The following MYOM2 variants were observed in gnomAD, a reference collection of about 807,000 sequenced individuals.
MYOM2 encodes myomesin-2.
In MYOM2, 254 loss-of-function variants were observed where a neutral mutation model predicts 187.6. The ratio of observed to expected loss-of-function variants is 1.35; its 90% CI spans 1.22 to 1.50. The LOEUF is 1.50. Ranked by LOEUF, MYOM2 falls within the 40% of genes most tolerant of loss-of-function variation. The probability of loss-of-function intolerance (pLI) is 0.00; values close to 1 mark genes in which losing one functional copy is unlikely to be tolerated. For missense variants in MYOM2, 2,796 were observed against 1,924.0 expected, an observed-to-expected ratio of 1.45 and a Z score of -8.48; for synonymous variants, 981 against 753.8, an observed-to-expected ratio of 1.30 and a Z score of -4.94.
At chr8:2,078,973 GC>G (rs774157508) in intron 12 of MYOM2, 40 bp downstream of exon 12, 1 of 1,592,876 alleles carries the variant, frequency 6.3e-7, no homozygotes, top group South Asian at 1.1e-5. Flanking sequence ...TGCCCAGGAA[GC>G]TTTGGCTGTT....
intron 13 of MYOM2, chr8:2,085,011 A>G (rs1054493086): frequency 2.2e-6 from 1 of 454,820 alleles, no homozygotes; most frequent in African/African-American, 2.0e-5. Flanking sequence ...GAATCTCTGG[A>G]AGACTTTCGG....
At chr8:2,087,102 G>A (rs1426613099) in intron 14 of MYOM2, among the ~76,000 whole-genome samples, 1 of 152,186 alleles carries the variant, frequency 6.6e-6, no homozygotes, top group Non-Finnish European at 1.5e-5. Context: ...CACAGGTTGT[G>A]ACCCACTAAT....
chr8:2,079,639 T>G, intron 13 of MYOM2, 26 bp downstream of exon 13: 3 of 1,608,666 alleles, frequency 1.9e-6, no homozygotes, highest in Non-Finnish European at 2.6e-6. Context: ...TCACCCCAGC[T>G]GCTCAGCCCC....
intron 18 of MYOM2, among the ~76,000 whole-genome samples, 191 bp downstream of exon 18, chr8:2,096,625 A>C (rs1181905640): frequency 7.9e-5 from 12 of 152,202 alleles, no homozygotes; most frequent in Non-Finnish European, 1.6e-4. Flanking sequence ...CTTTCTGAGA[A>C]GCAGTGAAGA....
chr8:2,109,191 A>C, intron 24 of MYOM2: 1 of 571,994 alleles, frequency 1.7e-6, no homozygotes, highest in South Asian at 2.8e-5. Context: ...GCTAACTGAG[A>C]ACTCATGTGG....
At chr8:2,062,000 G>A (rs1437363790) in intron 6 of MYOM2, among the ~76,000 whole-genome samples, 1 of 152,196 alleles carries the variant, frequency 6.6e-6, no homozygotes, top group African/African-American at 2.4e-5. Flanking sequence ...GTGGCCCGTT[G>A]TGGTGTGAAA....
chr8:2,054,589 T>A (rs1023180674), intron 3 of MYOM2, among the ~76,000 whole-genome samples: 5 of 152,210 alleles, frequency 3.3e-5, no homozygotes, highest in African/African-American at 1.2e-4. Context: ...CAATTAGTTA[T>A]TCTGAATCAT....
At chr8:2,128,108 A>G (rs958370570) in intron 31 of MYOM2, among the ~76,000 whole-genome samples, 1 of 152,182 alleles carries the variant, frequency 6.6e-6, no homozygotes, top group African/African-American at 2.4e-5. Context: ...TCATGGAACC[A>G]CATATCATGG....
chr8:2,143,450 A>AG lies in MYOM2; in HGVS notation c.4077dup (p.Lys1360GlufsTer14). On this transcript the variant is annotated frameshift_variant, in exon 36 of 37. Transcript: ENST00000262113. LOFTEE classifies it low-confidence loss of function (END_TRUNC). The stretch of plus-strand genomic sequence containing the variant: ...TGCCTGACGTGGTGACCATCATGGA[A>AG]GGGAAGGTGAGGATTCTAAACTCGG... 2 of 1,614,028 alleles carry AG rather than the reference A, an allele frequency of 1.2e-6. No homozygotes were observed. The highest frequency in any genetic ancestry group is 2.2e-5 in the South Asian group (2 of 91,078).
intron 32 of MYOM2, among the ~76,000 whole-genome samples, chr8:2,139,298 C>T (rs1410036840): frequency 6.6e-6 from 1 of 152,120 alleles, no homozygotes; most frequent in African/African-American, 2.4e-5. Context: ...CTTGCCACCA[C>T]ACCCGGCTAA....
chr8:2,076,468 G>A (rs1819426361), intron 11 of MYOM2, 186 bp downstream of exon 11: 1 of 753,004 alleles, frequency 1.3e-6, no homozygotes, highest in African/African-American at 1.8e-5. Flanking sequence ...AGTAGGCTGA[G>A]CCCAGCATAA....
intron 32 of MYOM2, among the ~76,000 whole-genome samples, chr8:2,138,925 C>T (rs1053006558): frequency 2.6e-5 from 4 of 152,056 alleles, no homozygotes; most frequent in African/African-American, 9.7e-5. Flanking sequence ...ACAGAACTCC[C>T]ACTTTCTATC....
intron 3 of MYOM2, among the ~76,000 whole-genome samples, chr8:2,053,352 G>C (rs556847683): frequency 6.6e-6 from 1 of 152,308 alleles, no homozygotes; most frequent in Admixed American, 6.5e-5. Flanking sequence ...GAATCTCTTT[G>C]AAATGTAGAT....
intron 35 of MYOM2, 108 bp downstream of exon 35, chr8:2,142,505 C>T (rs1432464317): frequency 1.8e-6 from 2 of 1,122,248 alleles, no homozygotes; most frequent in East Asian, 2.3e-5. Flanking sequence ...ACCAGCAATC[C>T]CCCACCCTGA....
chr8:2,088,786 G>A (rs746380109), intron 14 of MYOM2, among the ~76,000 whole-genome samples: 1 of 152,194 alleles, frequency 6.6e-6, no homozygotes, highest in Non-Finnish European at 1.5e-5. Flanking sequence ...CCCAGTAATG[G>A]GATTGCTGGA....
intron 6 of MYOM2, among the ~76,000 whole-genome samples, chr8:2,064,286 A>T (rs958556276): frequency 1.3e-5 from 2 of 152,158 alleles, no homozygotes; most frequent in African/African-American, 4.8e-5. Flanking sequence ...CTACACAGGG[A>T]CCTGTGTTCC....
At chr8:2,094,788 C>T (rs891419719) in intron 17 of MYOM2, among the ~76,000 whole-genome samples, 2 of 152,164 alleles carry the variant, frequency 1.3e-5, no homozygotes, top group African/African-American at 2.4e-5. Context: ...ATTTATGTAA[C>T]TTTGAGACTT....
Position 2,086,029 on chromosome 8 carries a change from G to A in MYOM2, c.1644+639G>A, listed in dbSNP as rs112665743. On this transcript the variant is annotated intron_variant, in intron 14 of 36. Transcript: ENST00000262113. The stretch of plus-strand genomic sequence containing the variant: ...GATCTCTTTGTGGCCCCCCACTGTC[G>A]TGATCTCTGCGTGGCCCCCCACAGT... Among the ~76,000 whole-genome samples the A allele has an allele frequency of 9.1e-4, 3 of 3,296 alleles. 1 individual carries two copies. The African/African-American group carries it at 0.012, about 13-fold the overall frequency. The allele number at this position is 3,296 out of a possible 152,430, so 2.2% of individuals were successfully genotyped here.
At chr8:2,048,853 G>A (rs1367615397) in intron 1 of MYOM2, among the ~76,000 whole-genome samples, 1 of 150,944 alleles carries the variant, frequency 6.6e-6, no homozygotes, top group Admixed American at 6.6e-5. Flanking sequence ...GCAGTGGCGC[G>A]ATCTCGGCTC....
Sources: allele counts gnomAD v4.1 joint callset (sites outside exome capture counted in the v4.1 genomes callset), GRCh38; gene constraint gnomAD v4.1.1; transcripts MANE v1.5; gene names NCBI Gene and HGNC (gene_info 2026-07-23, HGNC 2026-07-21).